Variants in NRXN1 observed in about 807,000 individuals in gnomAD.
NRXN1 encodes the protein neurexin-1.
A neutral mutation model predicts 150.9 loss-of-function variants in NRXN1; 39 were observed. That is an observed-to-expected ratio of 0.26 (90% CI 0.20 to 0.34). NRXN1 has a LOEUF of 0.34. NRXN1 is among the 10% of genes least tolerant of loss of function. NRXN1 has a pLI of 1.00. For synonymous variants in NRXN1, 924 were observed against 757.0 expected (o/e 1.22, Z -3.62); for missense variants, 1,815 against 1,949.9 (o/e 0.93, Z 1.30).
chr2:50,868,364 T>G (rs7589705), intron 5 of NRXN1, among the ~76,000 whole-genome samples: 141,601 of 146,872 alleles, frequency 0.96, 68,303 homozygotes, highest in East Asian at 1. Flanking sequence ...TGGACATAAA[T>G]TGTGGAATAA....
At chr2:50,040,446 A>T (rs1000103380) in intron 21 of NRXN1, among the ~76,000 whole-genome samples, 5 of 151,876 alleles carry the variant, frequency 3.3e-5, no homozygotes, top group African/African-American at 1.2e-4. Context: ...GCCTGAGCTA[A>T]TCCTCAATTT....
At chr2:50,426,153 T>G (rs1333861539) in intron 17 of NRXN1, among the ~76,000 whole-genome samples, 1 of 152,238 alleles carries the variant, frequency 6.6e-6, no homozygotes, top group East Asian at 1.9e-4. Context: ...TAAACTATCA[T>G]GTGGAAACTT....
At chr2:50,072,847 G>T (rs1037169031) in intron 19 of NRXN1, among the ~76,000 whole-genome samples, 16 of 152,246 alleles carry the variant, frequency 1.1e-4, no homozygotes, top group African/African-American at 3.6e-4. Flanking sequence ...GCATCAGCTG[G>T]TCCTAAAACA....
intron 5 of NRXN1, among the ~76,000 whole-genome samples, chr2:50,680,411 T>G (rs1259033431): frequency 6.6e-6 from 1 of 152,050 alleles, no homozygotes; most frequent in Admixed American, 6.6e-5. Context: ...AAAAAAGATT[T>G]TAAAATAGCA....
At chr2:50,725,200 GA>G (rs1308229162) in intron 5 of NRXN1, among the ~76,000 whole-genome samples, 1 of 151,506 alleles carries the variant, frequency 6.6e-6, no homozygotes, top group Non-Finnish European at 1.5e-5. Context: ...TTTAATCTCT[GA>G]AAAACCTTTT....
intron 5 of NRXN1, among the ~76,000 whole-genome samples, chr2:50,727,561 C>G (rs1273583142): frequency 6.6e-6 from 1 of 152,034 alleles, no homozygotes; most frequent in Non-Finnish European, 1.5e-5. Context: ...AGATCAATCA[C>G]TCTTTATATT....
At chr2:50,309,811 T>C (rs959681055) in intron 17 of NRXN1, among the ~76,000 whole-genome samples, 2 of 152,152 alleles carry the variant, frequency 1.3e-5, no homozygotes, top group Non-Finnish European at 2.9e-5. Flanking sequence ...AAGATCACAC[T>C]ACAGAGATGT....
In NRXN1 at chr2:50,805,137, T is replaced by C. The variant is rs1260669560; in HGVS notation, c.832+116732A>G. 2.0e-5 allele frequency among the ~76,000 whole-genome samples: 3 copies of C among 152,298 alleles called. No homozygotes were observed. In the East Asian group the frequency reaches 5.8e-4, roughly 29 times the overall value. On this transcript the variant is annotated intron_variant, in intron 5 of 22. Transcript: ENST00000401669. ...AGTTGGTAATATATGTGTTAGCTGTTATCCAAATGTATCTTTCATTGAATT... is the reference window on the plus strand; with the variant it reads ...AGTTGGTAATATATGTGTTAGCTGTCATCCAAATGTATCTTTCATTGAATT...
intron 5 of NRXN1, among the ~76,000 whole-genome samples, chr2:50,796,915 G>A (rs1165116265): frequency 1.3e-5 from 2 of 152,098 alleles, no homozygotes; most frequent in Admixed American, 1.3e-4. Flanking sequence ...GCAAAGTTTG[G>A]GGTCTGGTAA....
chr2:49,957,418 T>C (rs1208576543), intron 21 of NRXN1, among the ~76,000 whole-genome samples: 1 of 152,134 alleles, frequency 6.6e-6, no homozygotes, highest in Admixed American at 6.6e-5. Context: ...TTTCACATTA[T>C]TCTCACCGCA....
chr2:50,844,667 T>C (rs1258594742), intron 5 of NRXN1, among the ~76,000 whole-genome samples: 3 of 152,214 alleles, frequency 2.0e-5, no homozygotes, highest in African/African-American at 7.2e-5. Context: ...TGAAGGAAAT[T>C]TAACCTCTGG....
chr2:50,595,993 A>G (rs895292044), intron 8 of NRXN1, among the ~76,000 whole-genome samples: 2 of 152,142 alleles, frequency 1.3e-5, no homozygotes, highest in African/African-American at 4.8e-5. Context: ...TATTTCCTCT[A>G]AGAACACTAA....
intron 21 of NRXN1, among the ~76,000 whole-genome samples, chr2:50,030,340 C>T (rs556701775): frequency 4.6e-5 from 7 of 152,148 alleles, no homozygotes; most frequent in Admixed American, 1.3e-4. Context: ...CAAGGACCTG[C>T]ATGCCATACT....
chr2:50,925,907 G>C (rs2104332638), intron 3 of NRXN1, 31 bp downstream of exon 3: 9 of 1,543,066 alleles, frequency 5.8e-6, no homozygotes, highest in Non-Finnish European at 7.9e-6. Context: ...GGACAAATGA[G>C]AGTTGGAAAA....
rs555086476 is a variant in NRXN1 at position 49,934,129 on chromosome 2, A to G, written c.4216+9575T>C. Among the ~76,000 whole-genome samples the G allele has an allele frequency of 3.5e-4, 54 of 152,300 alleles. No homozygotes were observed. In the South Asian group the frequency reaches 0.011, roughly 30 times the overall value. On this transcript the variant is annotated intron_variant, in intron 22 of 22. Coordinates refer to ENST00000401669, the MANE Select transcript of NRXN1 (RefSeq NM_001330078.2). ...TTTCAAAATTTTATTATGATATTTTATGTTTTAGGTGTCATAAAATCAATC... is the reference window on the plus strand; with the variant it reads ...TTTCAAAATTTTATTATGATATTTTGTGTTTTAGGTGTCATAAAATCAATC...
In NRXN1 at chr2:50,400,731, T is replaced by C. The variant is rs183763580; in HGVS notation, c.3364+64711A>G. 2.6e-3 allele frequency among the ~76,000 whole-genome samples: 394 copies of C among 152,320 alleles called. 3 individuals are homozygous for C. Among genetic ancestry groups the C allele is most frequent in the Middle Eastern group, 6.8e-3 (2 of 294 alleles). On this transcript the variant is annotated intron_variant, in intron 17 of 22. Coordinates refer to ENST00000401669, the MANE Select transcript of NRXN1 (RefSeq NM_001330078.2). Reference sequence around the variant, plus strand: ...AGAAAGTATCTGCTAGAATTCTGAATGCTGAAACTGAAAAAAAGTGTGCTT... The same window carrying C: ...AGAAAGTATCTGCTAGAATTCTGAACGCTGAAACTGAAAAAAAGTGTGCTT...
intron 5 of NRXN1, among the ~76,000 whole-genome samples, chr2:50,820,069 T>G (rs1315541450): frequency 6.6e-6 from 1 of 152,126 alleles, no homozygotes; most frequent in Admixed American, 6.5e-5. Context: ...GACTCATGTT[T>G]TTATTAATAC....
chr2:50,880,932 A>G (rs995045001), intron 5 of NRXN1, among the ~76,000 whole-genome samples: 20 of 151,982 alleles, frequency 1.3e-4, no homozygotes, highest in Non-Finnish European at 2.1e-4. Context: ...AATTATGACT[A>G]GAGAAGACAT....
chr2:50,518,920 C>T (rs113869820), intron 12 of NRXN1, among the ~76,000 whole-genome samples: 1 of 141,750 alleles, frequency 7.1e-6, no homozygotes, highest in Admixed American at 7.0e-5. Context: ...GAGAAAAAAA[C>T]CCTAAGTTTC....
Sources: gnomAD v4.1 joint callset for allele counts (sites outside exome capture counted in the v4.1 genomes callset) on GRCh38, gnomAD v4.1.1 for gene constraint, MANE v1.5 for transcripts, NCBI Gene and HGNC (gene_info 2026-07-23, HGNC 2026-07-21) for gene names.